The following ARMH4 variants were observed in gnomAD, a reference collection of about 807,000 sequenced individuals.
ARMH4 encodes armadillo like helical domain containing 4, also known as armadillo-like helical domain-containing protein 4.
A neutral mutation model predicts 61.9 loss-of-function variants in ARMH4; 49 were observed. The ratio of observed to expected loss-of-function variants is 0.79; its 90% CI spans 0.63 to 1.00. The LOEUF is 1.00. Among genes scored for constraint, ARMH4 ranks in the 50% least tolerant of loss-of-function variants. The pLI is 0.00. For missense variants in ARMH4, 934 were observed against 930.0 expected, an observed-to-expected ratio of 1.00 and a Z score of -0.06; for synonymous variants, 368 against 341.5, an observed-to-expected ratio of 1.08 and a Z score of -0.85.
intron 5 of ARMH4, among the ~76,000 whole-genome samples, chr14:58,089,985 T>C (rs1056559542): frequency 3.3e-5 from 5 of 152,252 alleles, no homozygotes; most frequent in African/African-American, 9.6e-5. Context: ...GCTCAATGAA[T>C]ATCTGGTTAA....
At chr14:58,027,546 T>G (rs1249403776) in intron 5 of ARMH4, among the ~76,000 whole-genome samples, 1 of 150,700 alleles carries the variant, frequency 6.6e-6, no homozygotes, top group South Asian at 2.1e-4. Context: ...AATATTTTTT[T>G]AAAGGCATAT....
At chr14:58,112,532 CTT>C (rs1886388069) in intron 4 of ARMH4, among the ~76,000 whole-genome samples, 1 of 152,140 alleles carries the variant, frequency 6.6e-6, no homozygotes, top group Admixed American at 6.5e-5. Flanking sequence ...TCTGTCCTCT[CTT>C]CTTACTCCAT....
chr14:58,027,380 T>C lies in ARMH4; in HGVS notation c.2090-15230A>G, dbSNP rs138032194. On this transcript the variant is annotated intron_variant, in intron 5 of 7. Coordinates refer to ENST00000267485, the MANE Select transcript of ARMH4 (RefSeq NM_001001872.4). ...GTTGGTAATGGCTAGGAGAAGAAGA[T>C]GGAGTCCTCTGAAGTTTTGTTTCAT... 2.4e-3 allele frequency among the ~76,000 whole-genome samples: 362 copies of C among 152,328 alleles called. 2 individuals carry two copies. Among genetic ancestry groups the C allele is most frequent in the African/African-American group, 8.1e-3 (336 of 41,584 alleles).
At chr14:58,094,813 G>T (rs892974483) in intron 5 of ARMH4, among the ~76,000 whole-genome samples, 2 of 152,202 alleles carry the variant, frequency 1.3e-5, no homozygotes, top group African/African-American at 4.8e-5. Flanking sequence ...AAAGGGGCAT[G>T]AGGAATCACT....
chr14:58,052,711 C>G (rs764724148), intron 5 of ARMH4, among the ~76,000 whole-genome samples: 1 of 152,124 alleles, frequency 6.6e-6, no homozygotes, highest in Non-Finnish European at 1.5e-5. Flanking sequence ...GACCTCGCAC[C>G]CTAGACATCA....
At chr14:58,090,375 T>C (rs2141254576) in intron 5 of ARMH4, among the ~76,000 whole-genome samples, 1 of 152,134 alleles carries the variant, frequency 6.6e-6, no homozygotes, top group South Asian at 2.1e-4. Context: ...TAGATGTGTA[T>C]CACCAACAAG....
chr14:58,083,771 C>G (rs1885300478), intron 5 of ARMH4, among the ~76,000 whole-genome samples: 1 of 152,102 alleles, frequency 6.6e-6, no homozygotes, highest in Admixed American at 6.5e-5. Context: ...AAGGGACAAC[C>G]CTTGCTGACT....
chr14:58,020,001 T>A (rs9323321), intron 5 of ARMH4, among the ~76,000 whole-genome samples: 81,609 of 151,768 alleles, frequency 0.54, 22,092 homozygotes, highest in East Asian at 0.67. Context: ...ACTAAAGGGG[T>A]AGGGATGGGA....
At chr14:58,132,426 C>T (rs899021208) in intron 3 of ARMH4, among the ~76,000 whole-genome samples, 1 of 151,904 alleles carries the variant, frequency 6.6e-6, no homozygotes, top group African/African-American at 2.4e-5. Flanking sequence ...GCCAAAGTTG[C>T]GATTCAAATT....
At chr14:58,022,819 G>C (rs1216850360) in intron 5 of ARMH4, among the ~76,000 whole-genome samples, 1 of 152,108 alleles carries the variant, frequency 6.6e-6, no homozygotes, top group Non-Finnish European at 1.5e-5. Flanking sequence ...ACATACCTTG[G>C]AGATATTGTA....
At chr14:58,095,000 T>C (rs931676846) in intron 5 of ARMH4, among the ~76,000 whole-genome samples, 5 of 152,210 alleles carry the variant, frequency 3.3e-5, no homozygotes, top group African/African-American at 7.2e-5. Context: ...TAAATTTGCA[T>C]TGAGGAGCAT....
intron 5 of ARMH4, among the ~76,000 whole-genome samples, chr14:58,076,570 C>A (rs1885056111): frequency 2.6e-5 from 4 of 152,104 alleles, no homozygotes; most frequent in African/African-American, 9.7e-5. Context: ...GGAAAATATG[C>A]AAATATACTC....
chr14:58,032,697 A>G (rs1049740524), intron 5 of ARMH4, among the ~76,000 whole-genome samples: 8 of 148,142 alleles, frequency 5.4e-5, no homozygotes, highest in Non-Finnish European at 1.1e-4. Context: ...GTGTGCGCGC[A>G]CCGTGCGCGA....
chr14:58,129,679 T>C (rs937388474), intron 4 of ARMH4, among the ~76,000 whole-genome samples: 12 of 152,340 alleles, frequency 7.9e-5, no homozygotes, highest in African/African-American at 2.9e-4. Flanking sequence ...TAAATCAGTG[T>C]AGTCAATTCA....
chr14:58,009,841 G>T (rs935328152), intron 6 of ARMH4, among the ~76,000 whole-genome samples: 2 of 143,920 alleles, frequency 1.4e-5, no homozygotes, highest in African/African-American at 5.0e-5. Flanking sequence ...GAGAGAGAGA[G>T]AGATAACAAA....
intron 4 of ARMH4, among the ~76,000 whole-genome samples, chr14:58,117,763 C>CT (rs959513765): frequency 3.5e-4 from 53 of 149,402 alleles, no homozygotes; most frequent in Middle Eastern, 3.4e-3. Flanking sequence ...ATGAGTATAA[C>CT]TTTTTTTTTT....
At chr14:58,099,859 G>T (rs767914592) in intron 4 of ARMH4, among the ~76,000 whole-genome samples, 2 of 152,166 alleles carry the variant, frequency 1.3e-5, no homozygotes, top group Non-Finnish European at 2.9e-5. Context: ...TATTACGGCT[G>T]TGTGATTTTT....
chr14:58,108,738 C>T (rs548063864), intron 4 of ARMH4, among the ~76,000 whole-genome samples: 1 of 152,210 alleles, frequency 6.6e-6, no homozygotes, highest in South Asian at 2.1e-4. Context: ...TTGTTCAAGG[C>T]TTTGTCTAGG....
chr14:58,008,487 T>C (rs1172279581), intron 6 of ARMH4, among the ~76,000 whole-genome samples: 1 of 152,204 alleles, frequency 6.6e-6, no homozygotes, highest in Non-Finnish European at 1.5e-5. Context: ...TTGTTTGAAG[T>C]CAACAAGAAA....
Sources: gnomAD v4.1 joint callset for allele counts (sites outside exome capture counted in the v4.1 genomes callset) on GRCh38, gnomAD v4.1.1 for gene constraint, MANE v1.5 for transcripts, NCBI Gene and HGNC (gene_info 2026-07-23, HGNC 2026-07-21) for gene names.